Variants in UMAD1 observed in about 807,000 individuals in gnomAD.
UMAD1 encodes the protein UBAP1-MVB12-associated (UMA) domain containing 1, also known as UBAP1-MVB12-associated (UMA)-domain containing protein 1.
In UMAD1, 8 loss-of-function variants were observed where a neutral mutation model predicts 6.1. That is an observed-to-expected ratio of 1.30 (90% confidence interval 0.76 to 2.35). UMAD1 has a LOEUF of 2.35. Among genes scored for constraint, UMAD1 ranks in the 30% most tolerant of loss-of-function variants. UMAD1 has a pLI of 0.00. For synonymous variants in UMAD1, 56 were observed against 31.4 expected, an observed-to-expected ratio of 1.78 and a Z score of -2.61; for missense variants, 130 against 78.4, an observed-to-expected ratio of 1.66 and a Z score of -2.49.
chr7:7,711,861 C>G (rs1001473486), intron 2 of UMAD1, among the ~76,000 whole-genome samples: 2 of 152,044 alleles, frequency 1.3e-5, no homozygotes, highest in Non-Finnish European at 2.9e-5. Flanking sequence ...TTTAAAAAGT[C>G]CCTTCTTGGA....
At chr7:7,646,798 C>T (rs146077277) in intron 1 of UMAD1, among the ~76,000 whole-genome samples, 1 of 152,252 alleles carries the variant, frequency 6.6e-6, no homozygotes, top group Non-Finnish European at 1.5e-5. Context: ...TTCCTCTCTT[C>T]TCTCCTCTGC....
At chr7:7,831,982 G>T (rs769589562) in intron 3 of UMAD1, among the ~76,000 whole-genome samples, 1 of 152,128 alleles carries the variant, frequency 6.6e-6, no homozygotes, top group East Asian at 1.9e-4. Context: ...TGTGCAATTA[G>T]ATGTGTATGC....
intron 2 of UMAD1, among the ~76,000 whole-genome samples, chr7:7,778,265 T>TGAGAGAGA (rs1312767168): frequency 1.8e-5 from 2 of 109,404 alleles, no homozygotes; most frequent in African/African-American, 6.2e-5. Flanking sequence ...TGTGTGTGTG[T>TGAGAGAGA]GTGTGTGTGT....
intron 2 of UMAD1, among the ~76,000 whole-genome samples, chr7:7,777,836 C>G (rs1454659788): frequency 2.0e-5 from 3 of 151,868 alleles, no homozygotes; most frequent in African/African-American, 7.3e-5. Flanking sequence ...GGGGAAATAC[C>G]CATGTACACA....
At chr7:7,725,851 G>A (rs1235790727) in intron 2 of UMAD1, among the ~76,000 whole-genome samples, 2 of 152,210 alleles carry the variant, frequency 1.3e-5, no homozygotes, top group East Asian at 3.8e-4. Flanking sequence ...AGGAAGAGAA[G>A]ACTAGGGTCT....
chr7:7,731,763 G>T (rs577993053), intron 2 of UMAD1, among the ~76,000 whole-genome samples: 1 of 152,256 alleles, frequency 6.6e-6, no homozygotes, highest in South Asian at 2.1e-4. Flanking sequence ...CAGTGACTCA[G>T]AATCTTTATA....
chr7:7,859,434 G>A (rs954577865), intron 3 of UMAD1, among the ~76,000 whole-genome samples: 18 of 152,122 alleles, frequency 1.2e-4, no homozygotes, highest in African/African-American at 3.6e-4. Flanking sequence ...TCTGAATTAC[G>A]AGTATCTTTT....
chr7:7,754,955 A>G (rs1289640722), intron 2 of UMAD1, among the ~76,000 whole-genome samples: 1 of 152,124 alleles, frequency 6.6e-6, no homozygotes, highest in Non-Finnish European at 1.5e-5. Context: ...GCAGTATAAT[A>G]TTCTCTTCTG....
intron 2 of UMAD1, among the ~76,000 whole-genome samples, chr7:7,779,553 A>G (rs1188428473): frequency 6.6e-6 from 1 of 152,054 alleles, no homozygotes; most frequent in Admixed American, 6.6e-5. Context: ...CCATCCTTCC[A>G]CTTTAAAGTA....
At chr7:7,800,477 A>G (rs1782777157) in intron 2 of UMAD1, among the ~76,000 whole-genome samples, 1 of 152,012 alleles carries the variant, frequency 6.6e-6, no homozygotes, top group African/African-American at 2.4e-5. Context: ...GGGGGAACAG[A>G]TGGTGTTTGG....
chr7:7,748,941 T>G (rs1371910128), intron 2 of UMAD1, among the ~76,000 whole-genome samples: 1 of 152,132 alleles, frequency 6.6e-6, no homozygotes, highest in Non-Finnish European at 1.5e-5. Context: ...TTATCCCTCC[T>G]TTTCTGGCTG....
chr7:7,828,996 T>C (rs1434222363), intron 3 of UMAD1, among the ~76,000 whole-genome samples: 1 of 152,154 alleles, frequency 6.6e-6, no homozygotes, highest in Non-Finnish European at 1.5e-5. Context: ...TGGAACACTA[T>C]TATAAGGGAT....
At chr7:7,690,481 A>G (rs1780147406) in intron 2 of UMAD1, among the ~76,000 whole-genome samples, 1 of 152,156 alleles carries the variant, frequency 6.6e-6, no homozygotes, top group Non-Finnish European at 1.5e-5. Context: ...AAAATATTGT[A>G]TTAATCTTAT....
At chr7:7,801,046 G>C (rs974998757) in intron 2 of UMAD1, among the ~76,000 whole-genome samples, 9 of 152,196 alleles carry the variant, frequency 5.9e-5, no homozygotes, top group Non-Finnish European at 1.3e-4. Context: ...ACTTACCCAA[G>C]TGTGTTTGTG....
intron 2 of UMAD1, among the ~76,000 whole-genome samples, chr7:7,777,901 C>CT (rs1298348749): frequency 1.3e-5 from 2 of 152,130 alleles, no homozygotes; most frequent in African/African-American, 4.8e-5. Flanking sequence ...ATATCTAACT[C>CT]TAACCCTGAT....
chr7:7,753,923 C>T lies in UMAD1; in HGVS notation c.83-47747C>T, dbSNP rs563267919. On this transcript the variant is annotated intron_variant, in intron 2 of 3. Coordinates refer to ENST00000682710, the MANE Select transcript of UMAD1 (RefSeq NM_001302348.2). ...TACGGGCCCGGTGTGGTGGCTCATTCCTGTAATCCCAGCATTTTGGGAGGC... is the reference window on the plus strand; with the variant it reads ...TACGGGCCCGGTGTGGTGGCTCATTTCTGTAATCCCAGCATTTTGGGAGGC... 2.0e-5 allele frequency among the ~76,000 whole-genome samples: 3 copies of T among 152,236 alleles called. No homozygotes were observed. The South Asian group carries it at 6.2e-4, about 32-fold the overall frequency.
intron 1 of UMAD1, among the ~76,000 whole-genome samples, chr7:7,645,202 A>G (rs924471617): frequency 6.6e-6 from 1 of 152,066 alleles, no homozygotes; most frequent in African/African-American, 2.4e-5. Flanking sequence ...ATTCTTACAT[A>G]TTTTATTTAT....
chr7:7,796,554 C>G (rs1347120876), intron 2 of UMAD1, among the ~76,000 whole-genome samples: 1 of 151,946 alleles, frequency 6.6e-6, no homozygotes, highest in Non-Finnish European at 1.5e-5. Flanking sequence ...CCCGGCCGAC[C>G]CATTTCTTTG....
chr7:7,875,715 A>G (rs887099905), intron 3 of UMAD1, among the ~76,000 whole-genome samples: 1 of 152,246 alleles, frequency 6.6e-6, no homozygotes, highest in South Asian at 2.1e-4. Flanking sequence ...GCCAACCACA[A>G]AAAGCCCAAT....
Sources: gnomAD v4.1 joint callset for allele counts (sites outside exome capture counted in the v4.1 genomes callset) on GRCh38, gnomAD v4.1.1 for gene constraint, MANE v1.5 for transcripts, NCBI Gene and HGNC (gene_info 2026-07-23, HGNC 2026-07-21) for gene names.